The following PPP2R2C variants were observed in gnomAD, a reference collection of about 807,000 sequenced individuals.
The protein encoded by PPP2R2C is protein phosphatase 2 regulatory subunit Bgamma, also known as protein phosphatase 2, regulatory subunit B, gamma.
In PPP2R2C, 10 loss-of-function variants were observed where a neutral mutation model predicts 45.3. The ratio of observed to expected loss-of-function variants is 0.22; its 90% CI spans 0.14 to 0.37. The LOEUF is 0.37. Ranked by LOEUF, PPP2R2C falls within the 10% of genes least tolerant of loss-of-function variation. The pLI is 1.00. For synonymous variants in PPP2R2C, 257 were observed against 245.4 expected (o/e 1.05, Z -0.44); for missense variants, 308 against 619.7 (o/e 0.50, Z 5.34).
At position 6,518,334 on chromosome 4, in the gene PPP2R2C, T is replaced by C. The variant is rs572186608; in HGVS notation, c.49+16937A>G. On this transcript the variant is annotated intron_variant, in intron 2 of 9. Coordinates refer to the PPP2R2C transcript ENST00000506140. ...AATAAATAAAATTGAAAACAAGAAA[T>C]CAACAGAGAAAATTAATGAAATCAA... Among the ~76,000 whole-genome samples, 42 of 151,600 alleles carry C rather than the reference T, an allele frequency of 2.8e-4. No homozygotes were observed. In the South Asian group the frequency reaches 8.7e-3, roughly 32 times the overall value.
intron 2 of PPP2R2C, among the ~76,000 whole-genome samples, chr4:6,531,105 C>T (rs1268266219): frequency 2.6e-5 from 4 of 152,168 alleles, no homozygotes; most frequent in Non-Finnish European, 4.4e-5. Context: ...CTGGTGGCAC[C>T]AAAGGCAGCA....
rs192980444 is a variant in PPP2R2C, at chr4:6,358,019, G to A, written c.626-10009C>T. 1.3e-4 allele frequency among the ~76,000 whole-genome samples: 20 copies of A among 152,264 alleles called. No individual in the cohort carries two copies. The East Asian group carries it at 1.7e-3, about 13-fold the overall frequency. ...TTCATATGGAACCAAAAAAGAGCCCGCATTCCCAAGACAATCCTAAGCAAA... is the reference window on the plus strand; with the variant it reads ...TTCATATGGAACCAAAAAAGAGCCCACATTCCCAAGACAATCCTAAGCAAA... On this transcript the variant is annotated intron_variant, in intron 5 of 8. Transcript: ENST00000382599.
chr4:6,467,594 C>CA (rs1253516395), intron 1 of PPP2R2C, among the ~76,000 whole-genome samples: 1 of 152,112 alleles, frequency 6.6e-6, no homozygotes, highest in Non-Finnish European at 1.5e-5. Flanking sequence ...AGAAAGCAAA[C>CA]AAAAATCCCT....
intron 1 of PPP2R2C, among the ~76,000 whole-genome samples, chr4:6,390,147 CA>C (rs1716500564): frequency 6.6e-6 from 1 of 152,140 alleles, no homozygotes; most frequent in Non-Finnish European, 1.5e-5. Context: ...TTCCAGGGGA[CA>C]GGGGAGAGCT....
chr4:6,384,459 T>C (rs1005018326), intron 1 of PPP2R2C: 1 of 983,790 alleles, frequency 1.0e-6, no homozygotes, highest in African/African-American at 1.7e-5. Context: ...CCATATTTTC[T>C]AGATTTTCTA....
intron 1 of PPP2R2C, among the ~76,000 whole-genome samples, chr4:6,445,244 C>A (rs1282315940): frequency 6.6e-6 from 1 of 151,868 alleles, no homozygotes. Flanking sequence ...TTTTCAAGGT[C>A]ATTCCTGGCA....
intron 1 of PPP2R2C, among the ~76,000 whole-genome samples, chr4:6,466,863 A>T (rs1156518225): frequency 6.6e-6 from 1 of 152,236 alleles, no homozygotes; most frequent in Non-Finnish European, 1.5e-5. Context: ...CCAAGCTTTA[A>T]GTTCGGGTTG....
At chr4:6,550,786 C>T (rs540224404) in intron 1 of PPP2R2C, among the ~76,000 whole-genome samples, 3 of 152,344 alleles carry the variant, frequency 2.0e-5, no homozygotes, top group Admixed American at 2.0e-4. Flanking sequence ...GCTGGGACTA[C>T]AGGTGCAGGC....
At chr4:6,433,719 C>A (rs562101240) in intron 1 of PPP2R2C, among the ~76,000 whole-genome samples, 1 of 152,320 alleles carries the variant, frequency 6.6e-6, no homozygotes, top group African/African-American at 2.4e-5. Flanking sequence ...CTCATTCTTT[C>A]CCTTGAATTG....
intron 1 of PPP2R2C, among the ~76,000 whole-genome samples, chr4:6,435,328 G>A (rs1719838368): frequency 6.6e-6 from 1 of 151,960 alleles, no homozygotes; most frequent in Non-Finnish European, 1.5e-5. Flanking sequence ...TCTACTTTGT[G>A]GAGCTCATCA....
rs186164304 is a variant in PPP2R2C at position 6,416,212 on chromosome 4, C to T, written c.71-35118G>A. 7.8e-3 allele frequency among the ~76,000 whole-genome samples: 1,185 copies of T among 152,364 alleles called. 12 individuals are homozygous for T. The highest frequency in any genetic ancestry group is 0.024 in the Middle Eastern group (7 of 294). On this transcript the variant is annotated intron_variant, in intron 1 of 8. Coordinates refer to ENST00000382599, the MANE Select transcript of PPP2R2C (RefSeq NM_020416.4). ...TAACAAGGATATGACAATCGGCTAC[C>T]CGTGTGCCCAGCCCTGGGGTGGCTT...
At chr4:6,376,994 T>G (rs1715360703) in intron 3 of PPP2R2C, among the ~76,000 whole-genome samples, 1 of 151,970 alleles carries the variant, frequency 6.6e-6, no homozygotes, top group Non-Finnish European at 1.5e-5. Context: ...GGAGCCAGGG[T>G]GTCACAGGAG....
At chr4:6,532,311 A>AGTCAGAAG (rs1724431268) in intron 2 of PPP2R2C, among the ~76,000 whole-genome samples, 3 of 152,210 alleles carry the variant, frequency 2.0e-5, no homozygotes. Context: ...TGCCCAGCAA[A>AGTCAGAAG]GTCAGAGCTG....
At chr4:6,448,120 C>T (rs1362529736) in intron 1 of PPP2R2C, among the ~76,000 whole-genome samples, 3 of 152,112 alleles carry the variant, frequency 2.0e-5, no homozygotes, top group Non-Finnish European at 4.4e-5. Context: ...CACCTGAGGG[C>T]GAGAAGAAAG....
intron 1 of PPP2R2C, among the ~76,000 whole-genome samples, chr4:6,387,126 C>G (rs1402028394): frequency 6.6e-6 from 1 of 152,036 alleles, no homozygotes; most frequent in Admixed American, 6.6e-5. Context: ...AGGTTCAACA[C>G]ACATGTGATT....
At chr4:6,356,887 T>G (rs943142817) in intron 5 of PPP2R2C, among the ~76,000 whole-genome samples, 34 of 150,350 alleles carry the variant, frequency 2.3e-4, no homozygotes, top group African/African-American at 8.1e-4. Context: ...GACAGTGAGG[T>G]GCTGGGCAGG....
At chr4:6,532,735 G>A (rs1173445330) in intron 2 of PPP2R2C, among the ~76,000 whole-genome samples, 3 of 152,174 alleles carry the variant, frequency 2.0e-5, no homozygotes, top group Non-Finnish European at 2.9e-5. Context: ...CCCAGCAGCC[G>A]CCATCTGGAT....
intron 8 of PPP2R2C, 151 bp from the exon 9 acceptor site, chr4:6,323,744 T>C (rs1384612098): frequency 1.4e-6 from 1 of 716,226 alleles, no homozygotes; most frequent in Non-Finnish European, 2.1e-6. Context: ...AAGACCAGCC[T>C]GGACAACATA....
At chr4:6,403,048 G>T (rs1221010065) in intron 1 of PPP2R2C, among the ~76,000 whole-genome samples, 2 of 152,244 alleles carry the variant, frequency 1.3e-5, no homozygotes, top group African/African-American at 4.8e-5. Context: ...CAGGAGGGCA[G>T]TAATTTCCAC....
Sources: gnomAD v4.1 joint callset for allele counts (sites outside exome capture counted in the v4.1 genomes callset) on GRCh38, gnomAD v4.1.1 for gene constraint, MANE v1.5 for transcripts, NCBI Gene and HGNC (gene_info 2026-07-23, HGNC 2026-07-21) for gene names.